The following PPP1R7 variants were observed in gnomAD, a reference collection of about 807,000 sequenced individuals.
PPP1R7 encodes protein phosphatase 1 regulatory subunit 7, also known as protein phosphatase 1 regulatory subunit 22.
Under a neutral mutation model 45.2 loss-of-function variants are expected in PPP1R7, and 18 were observed. That is an observed-to-expected ratio of 0.40 (90% CI 0.28 to 0.59). The LOEUF is 0.59. Ranked by LOEUF, PPP1R7 falls within the 20% of genes least tolerant of loss-of-function variation. PPP1R7 has a pLI of 0.46. For synonymous variants in PPP1R7, 181 were observed against 183.4 expected (o/e 0.99, Z 0.11); for missense variants, 314 against 455.8 (o/e 0.69, Z 2.83).
At position 241,153,607 on chromosome 2, in the gene PPP1R7, A is replaced by T; in HGVS notation, c.181+3A>T. On this transcript the variant is annotated splice_donor_region_variant and intron_variant, in intron 2 of 9. Transcript: ENST00000234038. ...GCGGGGGGAGGAGGACCCAGAAGGT[A>T]CCAGGCCCAGCTCCCTTGGGGACAT... 1 of 1,613,632 alleles carries T rather than the reference A, an allele frequency of 6.2e-7. No homozygotes were observed. The highest frequency in any genetic ancestry group is 8.5e-7 in the Non-Finnish European group (1 of 1,179,902).
At chr2:241,159,513 C>T (rs1241608193) in intron 5 of PPP1R7, among the ~76,000 whole-genome samples, 170 bp downstream of exon 5, 2 of 152,174 alleles carry the variant, frequency 1.3e-5, no homozygotes, top group African/African-American at 4.8e-5. Context: ...GTTTTCAGGG[C>T]TCCAGGAGGC....
At chr2:241,182,373 C>T (rs1171845063) in intron 9 of PPP1R7, among the ~76,000 whole-genome samples, 1 of 152,218 alleles carries the variant, frequency 6.6e-6, no homozygotes, top group Non-Finnish European at 1.5e-5. Flanking sequence ...GCCAGAACTG[C>T]TTTGTCCTTC....
chr2:241,159,471 C>A, intron 5 of PPP1R7, 128 bp downstream of exon 5: 1 of 1,205,844 alleles, frequency 8.3e-7, no homozygotes. Context: ...CAGGGTCCTG[C>A]CCTGCATCTG....
At chr2:241,166,206 T>G in intron 7 of PPP1R7, 131 bp from the exon 8 acceptor site, 1 of 756,228 alleles carries the variant, frequency 1.3e-6, no homozygotes. Flanking sequence ...CCGGCCCCAT[T>G]CTAGCATGTT....
rs2067558805 is a variant in PPP1R7, at chr2:241,160,397, A to G, written c.500A>G (p.Lys167Arg). The G allele has an allele frequency of 6.2e-7, 1 of 1,613,230 alleles. No individual in the cohort carries two copies. Among genetic ancestry groups the G allele is most frequent in the Non-Finnish European group, 8.5e-7 (1 of 1,179,758 alleles). Reference protein sequence around the residue: ...IEGVDKLTRLKKLFLVNNKIS... With the variant: ...IEGVDKLTRLRKLFLVNNKIS... Reference sequence around the variant, plus strand: ...GGGGTTGACAAGTTGACACGACTGAAAAAACTCTTCTTGGTCAACAATAAA... The same window carrying G: ...GGGGTTGACAAGTTGACACGACTGAGAAAACTCTTCTTGGTCAACAATAAA... Residue 167 changes from lysine to arginine, a missense_variant, in exon 6 of 10, where the codon AAA (lysine) becomes AGA (arginine). Lys to Arg is a conservative substitution (Grantham distance 26). This residue lies in a region of PPP1R7 where 168 missense variants were observed against 285.3 expected (regional missense o/e 0.59). Transcript: ENST00000234038.
chr2:241,179,976 C>T (rs2067971862), intron 9 of PPP1R7, among the ~76,000 whole-genome samples: 1 of 152,224 alleles, frequency 6.6e-6, no homozygotes, highest in Admixed American at 6.5e-5. Context: ...AAAATTACAA[C>T]ATCTGCAATT....
chr2:241,154,208 A>G (rs1296646880), intron 2 of PPP1R7, among the ~76,000 whole-genome samples: 2 of 150,774 alleles, frequency 1.3e-5, no homozygotes, highest in African/African-American at 4.9e-5. Flanking sequence ...AAAAAAAGGA[A>G]AAAGAAAAGA....
intron 6 of PPP1R7, 88 bp from the exon 7 acceptor site, chr2:241,163,197 C>A (rs2149058274): frequency 1.3e-6 from 1 of 785,514 alleles, no homozygotes; most frequent in Non-Finnish European, 2.2e-6. Context: ...CTGAAGCCCA[C>A]ATAGCTCTGC....
intron 9 of PPP1R7, among the ~76,000 whole-genome samples, chr2:241,176,713 G>A (rs934589791): frequency 3.9e-5 from 6 of 152,180 alleles, no homozygotes; most frequent in South Asian, 2.1e-4. Context: ...TGCCTGCCTC[G>A]GCTTCCCAAA....
chr2:241,171,873 T>TAGCAG (rs2067822554), intron 9 of PPP1R7, among the ~76,000 whole-genome samples: 1 of 152,234 alleles, frequency 6.6e-6, no homozygotes, highest in Non-Finnish European at 1.5e-5. Flanking sequence ...GTCTTATGAT[T>TAGCAG]AGCGCTCTCA....
chr2:241,180,392 A>T (rs1330669706), intron 9 of PPP1R7, among the ~76,000 whole-genome samples: 1 of 75,918 alleles, frequency 1.3e-5, no homozygotes, highest in Non-Finnish European at 3.5e-5. Context: ...GTGAGCTAAA[A>T]AAAAAAAAAA....
At chr2:241,179,274 T>A (rs1308016145) in intron 9 of PPP1R7, among the ~76,000 whole-genome samples, 1 of 152,202 alleles carries the variant, frequency 6.6e-6, no homozygotes, top group Non-Finnish European at 1.5e-5. Flanking sequence ...GAGAACTCGC[T>A]AATTGCAAAG....
chr2:241,183,642 A>G lies in PPP1R7; in HGVS notation c.*819A>G, dbSNP rs1270901103. On this transcript the variant is annotated 3_prime_UTR_variant, in exon 10 of 10. Coordinates refer to ENST00000234038, the MANE Select transcript of PPP1R7 (RefSeq NM_002712.3). ...TTGGCTTTTTTAATATAAAATGTAC[A>G]TTGACAGACACCCGAAGTCTGGATT... is the stretch of plus-strand genomic sequence containing the variant. 3.2e-6 allele frequency: 1 copy of G among 312,414 alleles called. No individual in the cohort carries two copies. Among genetic ancestry groups the G allele is most frequent in the East Asian group, 1.1e-4 (1 of 8,980 alleles). 19.4% of individuals were successfully genotyped at this position (312,414 alleles called of 1,614,324 possible).
Position 241,159,307 on chromosome 2 carries a change from A to C in PPP1R7, c.398A>C (p.Lys133Thr). The C allele has an allele frequency of 6.2e-7, 1 of 1,613,796 alleles. No homozygotes were observed. The highest frequency in any genetic ancestry group is 8.5e-7 in the Non-Finnish European group (1 of 1,179,774). The change falls in exon 5 of 10, where the codon AAG becomes ACG. Residue 133 changes from lysine (K) to threonine (T), a missense_variant. Physicochemically the swap from Lys to Thr is moderately conservative, Grantham distance 78. Around this residue, in one of 3 missense-constraint regions of PPP1R7, gnomAD observed 112 missense variants for 144.5 expected, o/e 0.78. Transcript: ENST00000234038. ...RELDLYDNQI[K>T]KIENLEALTE... ...CTGGATCTTTACGACAACCAGATCA[A>C]GAAGATTGAGAATCTGGAGGCGCTA...
At chr2:241,178,540 T>C (rs1243024897) in intron 9 of PPP1R7, among the ~76,000 whole-genome samples, 15 of 140,258 alleles carry the variant, frequency 1.1e-4, no homozygotes, top group Middle Eastern at 3.6e-3. Flanking sequence ...CACTGCAAGC[T>C]CCACCTCCTG....
At chr2:241,175,874 G>C (rs1332753883) in intron 9 of PPP1R7, among the ~76,000 whole-genome samples, 1 of 152,160 alleles carries the variant, frequency 6.6e-6, no homozygotes, top group Non-Finnish European at 1.5e-5. Context: ...CGCTTTCCAG[G>C]TTCAAACGAT....
upstream of PPP1R7, chr2:241,150,397 G>A: frequency 9.0e-7 from 1 of 1,116,544 alleles, no homozygotes. Flanking sequence ...TGAAGTCGCC[G>A]CGCCGGAATC....
intron 9 of PPP1R7, among the ~76,000 whole-genome samples, chr2:241,180,746 G>A (rs2067989348): frequency 7.2e-6 from 1 of 139,636 alleles, no homozygotes; most frequent in Admixed American, 6.7e-5. Context: ...CCGTCCACAT[G>A]GAGGCACTGG....
At position 241,153,610 on chromosome 2, in the gene PPP1R7, A is replaced by C. The variant is rs1181267389; in HGVS notation, c.181+6A>C. 1 of 1,613,594 alleles carries C rather than the reference A, an allele frequency of 6.2e-7. No homozygotes were observed. Among genetic ancestry groups the C allele is most frequent in the Non-Finnish European group, 8.5e-7 (1 of 1,179,882 alleles). On this transcript the variant is annotated splice_donor_region_variant and intron_variant, in intron 2 of 9. Coordinates refer to ENST00000234038, the MANE Select transcript of PPP1R7 (RefSeq NM_002712.3). ...GGGGGAGGAGGACCCAGAAGGTACC[A>C]GGCCCAGCTCCCTTGGGGACATCTG...
Sources: gnomAD v4.1 joint callset for allele counts (sites outside exome capture counted in the v4.1 genomes callset) on GRCh38, gnomAD v4.1.1 for gene constraint, gnomAD v4.1.1 regional missense constraint, MANE v1.5 for transcripts, NCBI Gene and HGNC (gene_info 2026-07-23, HGNC 2026-07-21) for gene names.